Variants in SOX6 observed in about 807,000 individuals in gnomAD.
SOX6 encodes the protein SRY-box transcription factor 6.
SOX6 carries 11 observed loss-of-function variants against 97.8 expected under a neutral mutation model. The observed-to-expected ratio is 0.11, with a 90% CI of 0.07 to 0.19. SOX6 has a LOEUF of 0.19. Among genes scored for constraint, SOX6 ranks in the 10% least tolerant of loss-of-function variants. The probability of loss-of-function intolerance (pLI) is 1.00; values close to 1 mark genes in which losing one functional copy is unlikely to be tolerated. For synonymous variants in SOX6, 360 were observed against 371.4 expected (o/e 0.97, Z 0.35); for missense variants, 810 against 1,039.5 (o/e 0.78, Z 3.04).
intron 3 of SOX6, among the ~76,000 whole-genome samples, chr11:16,286,953 T>C (rs1854762021): frequency 6.6e-6 from 1 of 152,060 alleles, no homozygotes; most frequent in Admixed American, 6.6e-5. Context: ...TTGTGTAGGT[T>C]TGAAAATTTT....
chr11:16,404,316 T>C (rs562157213), intron 1 of SOX6, among the ~76,000 whole-genome samples: 6 of 152,040 alleles, frequency 3.9e-5, no homozygotes, highest in Admixed American at 2.0e-4. Context: ...TGTTGCACAC[T>C]TTCTCTTTTC....
rs543295036 is a variant in SOX6 at position 16,004,013 on chromosome 11, AATAC to A, written c.1732+10925_1732+10928del. On this transcript the variant is annotated intron_variant, in intron 13 of 15. Coordinates refer to ENST00000683767, the MANE Select transcript of SOX6 (RefSeq NM_001367873.1). ...GTAGGGTGTGTGTAAATATATATAT[AATAC>A]ATATATATATACACACACACATATA... Among the ~76,000 whole-genome samples the A allele has an allele frequency of 7.6e-4, 115 of 151,652 alleles. 1 individual carries two copies. Among genetic ancestry groups the A allele is most frequent in the African/African-American group, 2.3e-3 (95 of 41,390 alleles).
At chr11:16,509,438 T>G (rs1860844142) in intron 4 of SOX6, among the ~76,000 whole-genome samples, 1 of 152,044 alleles carries the variant, frequency 6.6e-6, no homozygotes, top group Non-Finnish European at 1.5e-5. Context: ...ACTGACTAAA[T>G]CTAAAAATAA....
At chr11:16,024,684 G>C (rs967609405) in intron 12 of SOX6, among the ~76,000 whole-genome samples, 1 of 151,950 alleles carries the variant, frequency 6.6e-6, no homozygotes, top group African/African-American at 2.4e-5. Flanking sequence ...TGGACCATAA[G>C]CATTTCGAGG....
chr11:16,366,765 C>CTGGT (rs35968701), intron 1 of SOX6, among the ~76,000 whole-genome samples: 37,400 of 151,924 alleles, frequency 0.25, 5,310 homozygotes, highest in East Asian at 0.51. Context: ...AATTTTCTAT[C>CTGGT]TGGTCCCTTC....
intron 4 of SOX6, among the ~76,000 whole-genome samples, chr11:16,528,965 C>A (rs1590234530): frequency 6.6e-6 from 1 of 151,962 alleles, no homozygotes; most frequent in Admixed American, 6.6e-5. Flanking sequence ...ACCTTATGGG[C>A]ATTGAGTGCT....
chr11:16,649,835 A>G (rs1681322169), intron 3 of SOX6, among the ~76,000 whole-genome samples: 1 of 152,106 alleles, frequency 6.6e-6, no homozygotes, highest in Non-Finnish European at 1.5e-5. Context: ...ATGGAATAGC[A>G]AATAGCAGAA....
At chr11:16,512,825 A>G (rs1860901064) in intron 4 of SOX6, among the ~76,000 whole-genome samples, 2 of 152,348 alleles carry the variant, frequency 1.3e-5, no homozygotes, top group South Asian at 2.1e-4. Context: ...GTCACTGGTG[A>G]TAAGTAAAGG....
chr11:16,063,115 T>C (rs1847999040), intron 9 of SOX6, among the ~76,000 whole-genome samples: 1 of 151,672 alleles, frequency 6.6e-6, no homozygotes, highest in African/African-American at 2.4e-5. Context: ...ATAAATTGAA[T>C]TAAGAAAGTC....
intron 4 of SOX6, among the ~76,000 whole-genome samples, chr11:16,485,443 G>T (rs1450529580): frequency 6.6e-6 from 1 of 151,928 alleles, no homozygotes; most frequent in Non-Finnish European, 1.5e-5. Context: ...TTAAAAATTA[G>T]CCAGGCTGCC....
chr11:16,432,715 ATCAAGAATCTGCC>A (rs1859294439), intron 1 of SOX6, among the ~76,000 whole-genome samples: 2 of 152,040 alleles, frequency 1.3e-5, no homozygotes, highest in Admixed American at 1.3e-4. Context: ...GGGGTGAAGG[ATCAAGAATCTGCC>A]TTTTAAACAA....
intron 4 of SOX6, among the ~76,000 whole-genome samples, chr11:16,563,836 CA>C (rs983167029): frequency 6.6e-6 from 1 of 151,966 alleles, no homozygotes; most frequent in East Asian, 1.9e-4. Flanking sequence ...AAACTAAAAA[CA>C]AAAAAATCTT....
chr11:16,420,351 T>C (rs1183502108), intron 1 of SOX6, among the ~76,000 whole-genome samples: 2 of 152,204 alleles, frequency 1.3e-5, no homozygotes, highest in Non-Finnish European at 2.9e-5. Context: ...TTGTAAACCC[T>C]TCCAACTTGA....
chr11:16,415,302 A>G (rs1046075895), intron 1 of SOX6, among the ~76,000 whole-genome samples: 8 of 151,440 alleles, frequency 5.3e-5, no homozygotes, highest in Admixed American at 2.7e-4. Context: ...TAAATACTAC[A>G]TATTCTCATT....
intron 6 of SOX6, among the ~76,000 whole-genome samples, chr11:16,123,246 A>T (rs1849535741): frequency 6.6e-6 from 1 of 152,108 alleles, no homozygotes; most frequent in Non-Finnish European, 1.5e-5. Flanking sequence ...TGAGCTCATT[A>T]TGCAATAATG....
At chr11:16,556,875 T>C (rs1165314898) in intron 4 of SOX6, among the ~76,000 whole-genome samples, 4 of 151,800 alleles carry the variant, frequency 2.6e-5, no homozygotes, top group African/African-American at 7.2e-5. Context: ...TCTTAGCTGA[T>C]AATACCTCTG....
chr11:16,402,529 G>T, intron 1 of SOX6: 2 of 877,090 alleles, frequency 2.3e-6, no homozygotes, highest in Non-Finnish European at 3.8e-6. Context: ...AGATTTGATG[G>T]CCCACAGAAG....
chr11:15,986,011 G>A (rs1164622983), intron 15 of SOX6, among the ~76,000 whole-genome samples, 193 bp downstream of exon 15: 1 of 152,102 alleles, frequency 6.6e-6, no homozygotes, highest in Admixed American at 6.6e-5. Context: ...TCCAGGTTTG[G>A]CTTGATTTGA....
chr11:16,391,283 C>A (rs989229101), intron 1 of SOX6, among the ~76,000 whole-genome samples: 1 of 152,072 alleles, frequency 6.6e-6, no homozygotes, highest in Admixed American at 6.5e-5. Flanking sequence ...CACGTGTATA[C>A]CTATGTAACA....
Sources: gnomAD v4.1 joint callset for allele counts (sites outside exome capture counted in the v4.1 genomes callset) on GRCh38, gnomAD v4.1.1 for gene constraint, MANE v1.5 for transcripts, NCBI Gene and HGNC (gene_info 2026-07-23, HGNC 2026-07-21) for gene names.